AKAP19: variants seen among roughly 807,000 people sequenced by gnomAD.
AKAP19 encodes A-kinase anchoring protein 19.
At chr2:190,084,090 GT>G in the AKAP19 span, among the ~76,000 whole-genome samples, 47 of 132,060 alleles carry the variant, frequency 3.6e-4, no homozygotes, top group Middle Eastern at 4.0e-3. Flanking sequence ...TAGAGCTCAG[GT>G]TTTTTTTTTT....
At chr2:189,907,550 G>A in the AKAP19 span, among the ~76,000 whole-genome samples, 3 of 152,014 alleles carry the variant, frequency 2.0e-5, no homozygotes, top group African/African-American at 7.3e-5. Flanking sequence ...CACACCTACA[G>A]TACGTTTAAT....
the AKAP19 span, among the ~76,000 whole-genome samples, chr2:190,183,225 T>G: frequency 6.6e-6 from 1 of 152,184 alleles, no homozygotes; most frequent in Non-Finnish European, 1.5e-5. Context: ...TCAGGGTGGT[T>G]GTTAAAATTC....
the AKAP19 span, among the ~76,000 whole-genome samples, chr2:189,896,020 A>C: frequency 2.6e-5 from 4 of 152,090 alleles, no homozygotes; most frequent in African/African-American, 9.7e-5. Flanking sequence ...AAAAAAAAAA[A>C]AAAAACATAC....
the AKAP19 span, among the ~76,000 whole-genome samples, chr2:190,100,948 C>T: frequency 4.7e-3 from 719 of 152,282 alleles, 6 homozygotes; most frequent in African/African-American, 0.016. Context: ...TCCACTGGGG[C>T]TCCAAGCACC....
the AKAP19 span, among the ~76,000 whole-genome samples, chr2:189,970,888 A>G: frequency 1.3e-5 from 2 of 152,234 alleles, no homozygotes. Flanking sequence ...GGCATAAAAC[A>G]ATATCGCCCT....
At chr2:189,977,111 C>G in the AKAP19 span, among the ~76,000 whole-genome samples, 8 of 152,322 alleles carry the variant, frequency 5.3e-5, no homozygotes, top group East Asian at 1.2e-3. Flanking sequence ...ATTTGGCCAT[C>G]TTGGAACTGC....
the AKAP19 span, among the ~76,000 whole-genome samples, chr2:189,943,750 C>T: frequency 6.6e-6 from 1 of 152,204 alleles, no homozygotes; most frequent in Non-Finnish European, 1.5e-5. Context: ...TTGGAGCCCA[C>T]CCCTTGCACC....
At chr2:190,077,114 T>C in the AKAP19 span, among the ~76,000 whole-genome samples, 1 of 152,152 alleles carries the variant, frequency 6.6e-6, no homozygotes, top group Admixed American at 6.5e-5. Flanking sequence ...AGACAATTCA[T>C]TTTTATGTCT....
chr2:190,140,742 G>A, the AKAP19 span, among the ~76,000 whole-genome samples: 5 of 152,308 alleles, frequency 3.3e-5, no homozygotes, highest in South Asian at 2.1e-4. Context: ...GAAGGTCTCT[G>A]ACATAGCCTG....
At chr2:189,919,163 G>A in the AKAP19 span, among the ~76,000 whole-genome samples, 1 of 152,140 alleles carries the variant, frequency 6.6e-6, no homozygotes, top group Non-Finnish European at 1.5e-5. Flanking sequence ...GGACAGGGGG[G>A]ACTACTGTAT....
At chr2:190,034,674 A>G in the AKAP19 span, among the ~76,000 whole-genome samples, 4 of 151,206 alleles carry the variant, frequency 2.6e-5, no homozygotes, top group Middle Eastern at 3.2e-3. Flanking sequence ...ACGAAACCCC[A>G]TCTCTACTAA....
At chr2:190,182,725 T>G in the AKAP19 span, among the ~76,000 whole-genome samples, 2 of 152,216 alleles carry the variant, frequency 1.3e-5, no homozygotes, top group Admixed American at 6.5e-5. Flanking sequence ...TAAAATAATC[T>G]ATTGCTTAAT....
the AKAP19 span, among the ~76,000 whole-genome samples, chr2:190,008,759 CACACACACA>C: frequency 8.4e-6 from 1 of 119,556 alleles, no homozygotes; most frequent in African/African-American, 2.6e-5. Flanking sequence ...CACACACACA[CACACACACA>C]CACCCACCTG....
chr2:189,942,240 G>A, the AKAP19 span, among the ~76,000 whole-genome samples: 1 of 151,436 alleles, frequency 6.6e-6, no homozygotes, highest in Non-Finnish European at 1.5e-5. Context: ...ATGAGATCAG[G>A]GCATTTAGAA....
At chr2:190,117,522 A>G in the AKAP19 span, among the ~76,000 whole-genome samples, 2 of 152,210 alleles carry the variant, frequency 1.3e-5, no homozygotes, top group African/African-American at 2.4e-5. Context: ...ATACATGTTA[A>G]CATATTGTAA....
At chr2:190,141,794 A>G in the AKAP19 span, among the ~76,000 whole-genome samples, 40 of 152,336 alleles carry the variant, frequency 2.6e-4, no homozygotes, top group African/African-American at 9.6e-4. Context: ...AGAAGCCAAT[A>G]TTATGATACC....
chr2:189,942,553 C>T, the AKAP19 span, among the ~76,000 whole-genome samples: 39 of 152,242 alleles, frequency 2.6e-4, no homozygotes, highest in African/African-American at 8.2e-4. Context: ...AACTTCAGAA[C>T]TAGGTAACAG....
the AKAP19 span, among the ~76,000 whole-genome samples, chr2:189,886,919 C>T: frequency 6.6e-6 from 1 of 151,524 alleles, no homozygotes; most frequent in African/African-American, 2.4e-5. Context: ...AAAATGCAGG[C>T]CCTGAAAATT....
the AKAP19 span, among the ~76,000 whole-genome samples, chr2:190,114,344 G>C: frequency 6.6e-6 from 1 of 152,240 alleles, no homozygotes; most frequent in Non-Finnish European, 1.5e-5. Flanking sequence ...TTTTCCTGGA[G>C]AATGGCCTAT....
Sources: gnomAD v4.1 joint callset for allele counts (sites outside exome capture counted in the v4.1 genomes callset) on GRCh38, gnomAD v4.1.1 for gene constraint, MANE v1.5 for transcripts, NCBI Gene and HGNC (gene_info 2026-07-23, HGNC 2026-07-21) for gene names.